Variants in DCTN4 observed in about 807,000 individuals in gnomAD.
The protein encoded by DCTN4 is dynactin subunit 4.
Under a neutral mutation model 62.7 loss-of-function variants are expected in DCTN4, and 23 were observed. That is an observed-to-expected ratio of 0.37 (90% CI 0.26 to 0.52). DCTN4 has a LOEUF of 0.52. DCTN4 is among the 20% of genes least tolerant of loss of function. The probability of loss-of-function intolerance (pLI) is 0.92; values close to 1 mark genes in which losing one functional copy is unlikely to be tolerated. For missense variants in DCTN4, 514 were observed against 580.4 expected, an observed-to-expected ratio of 0.89 and a Z score of 1.18; for synonymous variants, 199 against 202.1, an observed-to-expected ratio of 0.98 and a Z score of 0.13.
At chr5:150,716,058 C>G (rs1402375712) in intron 11 of DCTN4, among the ~76,000 whole-genome samples, 1 of 152,114 alleles carries the variant, frequency 6.6e-6, no homozygotes, top group East Asian at 1.9e-4. Context: ...GTGCCCACCA[C>G]CATGCCTGGC....
intron 3 of DCTN4, among the ~76,000 whole-genome samples, chr5:150,742,491 T>C (rs1288812781): frequency 6.6e-6 from 1 of 152,208 alleles, no homozygotes; most frequent in Non-Finnish European, 1.5e-5. Context: ...AATAACTTGC[T>C]CAAAGTCACA....
At chr5:150,719,360 TA>T (rs1426895511) in intron 10 of DCTN4, among the ~76,000 whole-genome samples, 3 of 152,152 alleles carry the variant, frequency 2.0e-5, no homozygotes, top group Non-Finnish European at 4.4e-5. Flanking sequence ...CTGTGGTATA[TA>T]AATCTAACTG....
chr5:150,725,535 C>G (rs927418627), intron 8 of DCTN4, among the ~76,000 whole-genome samples: 15 of 151,980 alleles, frequency 9.9e-5, no homozygotes, highest in African/African-American at 3.6e-4. Flanking sequence ...AATTTATTAA[C>G]ACCTGTTCTC....
rs1760793215 is a variant in DCTN4 at position 150,742,166 on chromosome 5, T to C, written c.386-9A>G. 3.7e-6 allele frequency: 6 copies of C among 1,612,878 alleles called. No homozygotes were observed. The highest frequency in any genetic ancestry group is 5.1e-6 in the Non-Finnish European group (6 of 1,179,042). ...CTGCCAACCGCCACTAGCTACAAAA[T>C]AAAAGAATATTAAACAAGACTTTCA... On this transcript the variant is annotated splice_polypyrimidine_tract_variant and intron_variant, in intron 3 of 12. Coordinates refer to ENST00000447998, the MANE Select transcript of DCTN4 (RefSeq NM_016221.4).
At chr5:150,747,991 G>C (rs1459432094) in intron 3 of DCTN4, among the ~76,000 whole-genome samples, 1 of 145,262 alleles carries the variant, frequency 6.9e-6, no homozygotes, top group African/African-American at 2.6e-5. Flanking sequence ...ACTACCATCA[G>C]AGTGAACAGG....
At chr5:150,730,409 T>C (rs1760315373) in intron 8 of DCTN4, among the ~76,000 whole-genome samples, 1 of 152,258 alleles carries the variant, frequency 6.6e-6, no homozygotes, top group African/African-American at 2.4e-5. Flanking sequence ...CTTCATTTTC[T>C]ACATTTGTAA....
At chr5:150,738,599 T>C (rs751774172) in intron 4 of DCTN4, among the ~76,000 whole-genome samples, 1 of 152,128 alleles carries the variant, frequency 6.6e-6, no homozygotes, top group South Asian at 2.1e-4. Flanking sequence ...AAAATCAGCA[T>C]AGAAGGAACA....
chr5:150,753,726 T>C, intron 2 of DCTN4, 69 bp from the exon 3 acceptor site: 3 of 1,471,534 alleles, frequency 2.0e-6, no homozygotes, highest in Non-Finnish European at 2.8e-6. Flanking sequence ...AGAACAAATA[T>C]AAGGACAAGT....
rs965528368 is a variant in DCTN4 at position 150,730,883 on chromosome 5, G to C, written c.725-143C>G. On this transcript the variant is annotated intron_variant, in intron 7 of 12. Coordinates refer to ENST00000447998, the MANE Select transcript of DCTN4 (RefSeq NM_016221.4). ...GAAAATATAGAAAGTTGACATTTTA[G>C]ATTTCAAACAATTACCTCTATTACA... 23 of 833,024 alleles carry C rather than the reference G, an allele frequency of 2.8e-5. No homozygotes were observed. The East Asian group carries it at 5.6e-4, about 20-fold the overall frequency. 51.6% of individuals were successfully genotyped at this position (833,024 alleles called of 1,614,324 possible).
At chr5:150,720,514 T>A (rs1759919748) in intron 9 of DCTN4, among the ~76,000 whole-genome samples, 1 of 151,674 alleles carries the variant, frequency 6.6e-6, no homozygotes, top group South Asian at 2.1e-4. Flanking sequence ...AGGGTCTTGC[T>A]GTCACCCAGG....
At chr5:150,756,869 A>G (rs1188981136) in intron 1 of DCTN4, among the ~76,000 whole-genome samples, 1 of 152,212 alleles carries the variant, frequency 6.6e-6, no homozygotes, top group Non-Finnish European at 1.5e-5. Flanking sequence ...TGACTATAAA[A>G]CTTGACCATA....
Position 150,756,525 on chromosome 5 carries a change from G to A in DCTN4, c.136-38C>T, listed in dbSNP as rs1456001018. On this transcript the variant is annotated intron_variant, in intron 1 of 12. Coordinates refer to ENST00000447998, the MANE Select transcript of DCTN4 (RefSeq NM_016221.4). Reference sequence around the variant, plus strand: ...AAGAAAGAAAAAAAAAACCAGAGGAGAACTCAGTTTAACTTGTGTATATGT... The same window carrying A: ...AAGAAAGAAAAAAAAAACCAGAGGAAAACTCAGTTTAACTTGTGTATATGT... The A allele has an allele frequency of 2.2e-6, 3 of 1,394,998 alleles. No homozygotes were observed. In the African/African-American group the frequency reaches 4.4e-5, roughly 20 times the overall value. 86.4% of individuals were successfully genotyped at this position (1,394,998 alleles called of 1,614,324 possible).
At chr5:150,749,840 C>G (rs988636800) in intron 3 of DCTN4, among the ~76,000 whole-genome samples, 1 of 152,022 alleles carries the variant, frequency 6.6e-6, no homozygotes, top group African/African-American at 2.4e-5. Context: ...AAAAACAATC[C>G]AAATGTTCAA....
At chr5:150,755,029 A>G (rs983983026) in intron 2 of DCTN4, among the ~76,000 whole-genome samples, 4 of 152,160 alleles carry the variant, frequency 2.6e-5, no homozygotes, top group African/African-American at 9.7e-5. Flanking sequence ...AGTACTGGTA[A>G]GAAAATGATC....
rs938430403 is a variant in DCTN4 at position 150,709,337 on chromosome 5, CAT to C, written c.*1810_*1811del. On this transcript the variant is annotated 3_prime_UTR_variant, in exon 13 of 13. Coordinates refer to ENST00000447998, the MANE Select transcript of DCTN4 (RefSeq NM_016221.4). ...CCAGCTACCTGCCATAAACGCATGA[CAT>C]GTGTGTAGTCTATGCAAACGTGTAA... The C allele has an allele frequency of 6.6e-6, 1 of 152,384 alleles. No homozygotes were observed. The highest frequency in any genetic ancestry group is 1.5e-5 in the Non-Finnish European group (1 of 68,040). The allele number at this position is 152,384 out of a possible 1,614,324, so 9.4% of individuals were successfully genotyped here.
intron 10 of DCTN4, among the ~76,000 whole-genome samples, chr5:150,719,172 T>C (rs1017169750): frequency 1.3e-5 from 2 of 152,228 alleles, no homozygotes; most frequent in African/African-American, 4.8e-5. Context: ...CCTTGTTTGG[T>C]ACCCTCTCTA....
chr5:150,735,028 T>C (rs1488607795), intron 4 of DCTN4, among the ~76,000 whole-genome samples: 1 of 152,200 alleles, frequency 6.6e-6, no homozygotes, highest in Non-Finnish European at 1.5e-5. Context: ...CCCCACCTGA[T>C]GGTCTTTCTC....
At chr5:150,731,315 CCATTGACAA>C (rs1760356661) in intron 6 of DCTN4, 92 bp downstream of exon 6, 2 of 1,129,614 alleles carry the variant, frequency 1.8e-6, no homozygotes, top group Admixed American at 4.1e-5. Context: ...ATCTTCTTTT[CCATTGACAA>C]CTGTGTGTGT....
At chr5:150,738,247 C>T (rs1404687468) in intron 4 of DCTN4, among the ~76,000 whole-genome samples, 1 of 152,120 alleles carries the variant, frequency 6.6e-6, no homozygotes, top group African/African-American at 2.4e-5. Context: ...AAGAGGGAAT[C>T]CTCCCTAAAT....
Sources: allele counts gnomAD v4.1 joint callset (sites outside exome capture counted in the v4.1 genomes callset), GRCh38; gene constraint gnomAD v4.1.1; transcripts MANE v1.5; gene names NCBI Gene and HGNC (gene_info 2026-07-23, HGNC 2026-07-21).